The following ABLIM1 variants were observed in gnomAD, a reference collection of about 807,000 sequenced individuals.
ABLIM1 encodes the protein actin-binding LIM protein 1.
A neutral mutation model predicts 107.0 loss-of-function variants in ABLIM1; 40 were observed. The ratio of observed to expected loss-of-function variants is 0.37; its 90% CI spans 0.29 to 0.49. ABLIM1 has a LOEUF of 0.49. Ranked by LOEUF, ABLIM1 falls within the 20% of genes least tolerant of loss-of-function variation. ABLIM1 has a pLI of 0.97. For synonymous variants in ABLIM1, 357 were observed against 357.3 expected (o/e 1.00, Z 0.01); for missense variants, 857 against 1,008.5 (o/e 0.85, Z 2.04).
intron 7 of ABLIM1, among the ~76,000 whole-genome samples, chr10:114,489,019 C>CA (rs1182293204): frequency 6.6e-6 from 1 of 152,016 alleles, no homozygotes; most frequent in Non-Finnish European, 1.5e-5. Flanking sequence ...ATCTTTACCT[C>CA]ATTTTTTTTT....
chr10:114,615,583 T>C (rs1459770852), intron 1 of ABLIM1: 7 of 470,896 alleles, frequency 1.5e-5, no homozygotes, highest in East Asian at 6.1e-5. Context: ...TCTGGCACCA[T>C]TGTATGCACA....
intron 1 of ABLIM1, among the ~76,000 whole-genome samples, chr10:114,701,938 G>GA (rs1269928065): frequency 4.6e-5 from 7 of 152,082 alleles, no homozygotes; most frequent in Non-Finnish European, 1.0e-4. Flanking sequence ...TAGAAATTTA[G>GA]AAAAAATAAG....
intron 1 of ABLIM1, among the ~76,000 whole-genome samples, chr10:114,676,925 G>A (rs1591805895): frequency 6.6e-6 from 1 of 152,038 alleles, no homozygotes. Flanking sequence ...TAGTACAGAC[G>A]GGGTTTCTCC....
rs1347014027 is a variant in ABLIM1, at chr10:114,473,097, A to C, written c.1155T>G (p.Asp385Glu). The change falls in exon 10 of 23, where the codon GAT becomes GAG. Residue 385 changes from aspartate to glutamate, a missense_variant. By Grantham distance (45) the Asp-to-Glu change is conservative (BLOSUM62 2). Coordinates refer to ENST00000533213, the MANE Select transcript of ABLIM1 (RefSeq NM_002313.7). ...KVDNEILDYK[D>E]LAAIPKVKAI... The stretch of plus-strand genomic sequence containing the variant: ...CCTTGACCTTCGGAATGGCTGCTAA[A>C]TCCTTGTAATCCAGGATCTCATTGT... 1 of 1,612,632 alleles carries C rather than the reference A, an allele frequency of 6.2e-7. No individual in the cohort carries two copies.
At chr10:114,742,322 T>C (rs1249210839) in intron 1 of ABLIM1, among the ~76,000 whole-genome samples, 2 of 152,230 alleles carry the variant, frequency 1.3e-5, no homozygotes, top group Non-Finnish European at 2.9e-5. Flanking sequence ...GTTAGCTAAC[T>C]GCAAAATGCC....
At chr10:114,709,257 C>T (rs1313235963) in intron 1 of ABLIM1, among the ~76,000 whole-genome samples, 3 of 152,084 alleles carry the variant, frequency 2.0e-5, no homozygotes, top group East Asian at 3.9e-4. Flanking sequence ...GATGGGAATG[C>T]GTTCCTTAGC....
the ABLIM1 span, among the ~76,000 whole-genome samples, chr10:114,797,293 T>C: frequency 5.9e-5 from 9 of 152,328 alleles, no homozygotes; most frequent in South Asian, 2.1e-4. Context: ...TCATAGTCCC[T>C]TCTTCATACC....
intron 1 of ABLIM1, among the ~76,000 whole-genome samples, chr10:114,630,277 A>G (rs1207203214): frequency 2.0e-5 from 3 of 152,232 alleles, no homozygotes; most frequent in Non-Finnish European, 4.4e-5. Flanking sequence ...ACTCAAATCC[A>G]TTAGCAACAG....
intron 2 of ABLIM1, among the ~76,000 whole-genome samples, chr10:114,588,487 C>CTTTTTT (rs34043960): frequency 1.1e-3 from 84 of 76,536 alleles, no homozygotes; most frequent in East Asian, 3.1e-3. Flanking sequence ...TTCTTTCTTT[C>CTTTTTT]TTTTTTTTTT....
intron 6 of ABLIM1, among the ~76,000 whole-genome samples, chr10:114,497,893 T>C (rs535169095): frequency 6.6e-6 from 1 of 152,210 alleles, no homozygotes; most frequent in African/African-American, 2.4e-5. Flanking sequence ...AAATCAGACA[T>C]CTGTAGTTAT....
intron 1 of ABLIM1, among the ~76,000 whole-genome samples, chr10:114,738,032 T>C (rs2082216171): frequency 6.6e-6 from 1 of 152,086 alleles, no homozygotes; most frequent in South Asian, 2.1e-4. Context: ...GTGAAATTTG[T>C]GATATATAAA....
chr10:114,434,330 CG>C lies in ABLIM1; in HGVS notation c.*1929del, dbSNP rs2059161294. ...ACACACACACACACACACACACACA[CG>C]AGAGTAGTCCTCATTCAGTGCATAG... On this transcript the variant is annotated 3_prime_UTR_variant, in exon 23 of 23. Coordinates refer to ENST00000533213, the MANE Select transcript of ABLIM1 (RefSeq NM_002313.7). 6.8e-6 allele frequency: 1 copy of C among 146,272 alleles called. No homozygotes were observed. Among genetic ancestry groups the C allele is most frequent in the African/African-American group, 2.6e-5 (1 of 38,620 alleles). 9.1% of individuals were successfully genotyped at this position (146,272 alleles called of 1,614,324 possible).
chr10:114,598,274 CAAAAAAAAAAA>C (rs58133284), intron 2 of ABLIM1, among the ~76,000 whole-genome samples: 3 of 63,812 alleles, frequency 4.7e-5, no homozygotes, highest in African/African-American at 7.1e-5. Context: ...AACTCCATCT[CAAAAAAAAAAA>C]AAAAAAAAAA....
At chr10:114,627,875 C>G (rs2077917703) in intron 1 of ABLIM1, among the ~76,000 whole-genome samples, 1 of 152,176 alleles carries the variant, frequency 6.6e-6, no homozygotes. Context: ...GTAATCCCAG[C>G]ACTTTGGGAG....
intron 6 of ABLIM1, among the ~76,000 whole-genome samples, chr10:114,517,655 G>A (rs545852078): frequency 5.3e-5 from 8 of 152,202 alleles, no homozygotes; most frequent in South Asian, 2.1e-4. Flanking sequence ...ACTTTTTTGC[G>A]ATAAACTGTG....
At chr10:114,767,404 C>A (rs553748583) in intron 1 of ABLIM1, among the ~76,000 whole-genome samples, 1 of 152,290 alleles carries the variant, frequency 6.6e-6, no homozygotes, top group East Asian at 1.9e-4. Context: ...ATACTAGCAG[C>A]CACTGAGCTA....
intron 4 of ABLIM1, among the ~76,000 whole-genome samples, chr10:114,558,546 C>T (rs181511809): frequency 7.7e-4 from 118 of 152,260 alleles, no homozygotes; most frequent in African/African-American, 2.6e-3. Context: ...CTGAATTTCT[C>T]AGGGCCTGCT....
chr10:114,470,966 C>A lies in ABLIM1; in HGVS notation c.1275+2011G>T, dbSNP rs148255844. Among the ~76,000 whole-genome samples, 48 of 152,280 alleles carry A rather than the reference C, an allele frequency of 3.2e-4. No homozygotes were observed. In the Middle Eastern group the frequency reaches 0.01, roughly 32 times the overall value. On this transcript the variant is annotated intron_variant, in intron 10 of 22. Transcript: ENST00000533213. Reference sequence around the variant, plus strand: ...ATGGCATGATCATGGCTCAATGCAGCCTCAACCTCCTGGGCTCAAGTGATC... The same window carrying A: ...ATGGCATGATCATGGCTCAATGCAGACTCAACCTCCTGGGCTCAAGTGATC...
At chr10:114,644,994 C>A (rs767773075) in intron 1 of ABLIM1, among the ~76,000 whole-genome samples, 1 of 152,132 alleles carries the variant, frequency 6.6e-6, no homozygotes, top group Non-Finnish European at 1.5e-5. Context: ...CATCTCTCTA[C>A]CTATTTTGAT....
Sources: gnomAD v4.1 joint callset for allele counts (sites outside exome capture counted in the v4.1 genomes callset) on GRCh38, gnomAD v4.1.1 for gene constraint, MANE v1.5 for transcripts, NCBI Gene and HGNC (gene_info 2026-07-23, HGNC 2026-07-21) for gene names.